The following RIMBP2 variants were observed in gnomAD, a reference collection of about 807,000 sequenced individuals.
RIMBP2 encodes the protein RIMS-binding protein 2.
RIMBP2 carries 48 observed loss-of-function variants against 118.6 expected under a neutral mutation model. The ratio of observed to expected loss-of-function variants is 0.40; its 90% CI spans 0.32 to 0.51. The LOEUF is 0.51. Among genes scored for constraint, RIMBP2 ranks in the 20% least tolerant of loss-of-function variants. The probability of loss-of-function intolerance (pLI) is 0.41; values close to 1 mark genes in which losing one functional copy is unlikely to be tolerated. For synonymous variants in RIMBP2, 762 were observed against 742.9 expected (o/e 1.03, Z -0.42); for missense variants, 1,551 against 1,768.3 (o/e 0.88, Z 2.20).
At chr12:130,566,710 C>T (rs1428467795) in intron 2 of RIMBP2, among the ~76,000 whole-genome samples, 1 of 152,224 alleles carries the variant, frequency 6.6e-6, no homozygotes, top group Non-Finnish European at 1.5e-5. Context: ...GAAGCTGAAG[C>T]CAGACCAGGC....
chr12:130,632,043 T>A (rs1387529683), intron 1 of RIMBP2, among the ~76,000 whole-genome samples: 1 of 152,230 alleles, frequency 6.6e-6, no homozygotes, highest in Non-Finnish European at 1.5e-5. Context: ...ATAAAAACAT[T>A]TTTAAAAATC....
intron 4 of RIMBP2, among the ~76,000 whole-genome samples, chr12:130,499,138 C>T (rs1438336488): frequency 1.4e-4 from 21 of 152,182 alleles, no homozygotes; most frequent in Non-Finnish European, 2.9e-4. Context: ...GGGCTACACA[C>T]TTTTAAACCA....
intron 17 of RIMBP2, among the ~76,000 whole-genome samples, chr12:130,417,681 T>G (rs1439335114): frequency 6.6e-6 from 1 of 152,234 alleles, no homozygotes; most frequent in Non-Finnish European, 1.5e-5. Context: ...CATTCTGCAC[T>G]ATACCCATGT....
At chr12:130,689,364 C>T (rs144525223) in intron 1 of RIMBP2, among the ~76,000 whole-genome samples, 3,148 of 152,198 alleles carry the variant, frequency 0.021, 49 homozygotes, top group Non-Finnish European at 0.032. Context: ...ACCCGGGAGG[C>T]GGAGGTTACA....
chr12:130,641,322 TCAC>T lies in RIMBP2; in HGVS notation c.-351-12869_-351-12867del, dbSNP rs1566416755. 6.1e-3 allele frequency among the ~76,000 whole-genome samples: 893 copies of T among 147,136 alleles called. 3 individuals are homozygous for T. The highest frequency in any genetic ancestry group is 0.017 in the East Asian group (86 of 4,968). ...TGACTGCCGGACACTCGGCCCGGCATCACGGGCTGGATTTAGGATGGTGACTGC... is the reference window on the plus strand; with the variant it reads ...TGACTGCCGGACACTCGGCCCGGCATGGGCTGGATTTAGGATGGTGACTGC... On this transcript the variant is annotated intron_variant, in intron 1 of 22. Transcript: ENST00000690449.
intron 2 of RIMBP2, among the ~76,000 whole-genome samples, chr12:130,574,927 C>T (rs908337438): frequency 4.6e-5 from 7 of 151,824 alleles, no homozygotes; most frequent in Non-Finnish European, 8.8e-5. Flanking sequence ...GACCTGAGTG[C>T]TGATGCCCTG....
chr12:130,454,392 G>A (rs76904577), intron 7 of RIMBP2, among the ~76,000 whole-genome samples: 5,767 of 152,328 alleles, frequency 0.038, 374 homozygotes, highest in African/African-American at 0.13. Flanking sequence ...AGGGGCCTGC[G>A]CTGTCTGCAG....
Position 130,617,047 on chromosome 12 carries a change from C to T in RIMBP2, c.-217+11275G>A, listed in dbSNP as rs1240545758. 3.3e-5 allele frequency among the ~76,000 whole-genome samples: 5 copies of T among 152,102 alleles called. No homozygotes were observed. The highest frequency in any genetic ancestry group is 7.4e-5 in the Non-Finnish European group (5 of 68,008). ...CCCCATGTCCCACTGATGAGAGGTT[C>T]CACCCCATCTCTCATTTTTCCAGGA... is the stretch of plus-strand genomic sequence containing the variant. On this transcript the variant is annotated intron_variant, in intron 2 of 22. Transcript: ENST00000690449. The surrounding 1 kb of genome is among the most constrained non-coding windows in gnomAD (Gnocchi z 4.6).
intron 15 of RIMBP2, chr12:130,427,196 A>C (rs957174796): frequency 2.0e-5 from 3 of 152,176 alleles, no homozygotes; most frequent in African/African-American, 7.2e-5. Flanking sequence ...TCCACCATTC[A>C]AAATGCACGC....
chr12:130,674,775 C>T (rs369254524), intron 1 of RIMBP2, among the ~76,000 whole-genome samples: 4 of 152,044 alleles, frequency 2.6e-5, no homozygotes, highest in Non-Finnish European at 5.9e-5. Context: ...CCATTCCCCA[C>T]CCCCGCCCCT....
chr12:130,553,912 A>C (rs1312641356), intron 2 of RIMBP2, among the ~76,000 whole-genome samples: 1 of 152,202 alleles, frequency 6.6e-6, no homozygotes, highest in African/African-American at 2.4e-5. Flanking sequence ...GCCTCAAAGA[A>C]TATAGAGAAG....
chr12:130,421,691 ATGTGTGTGTGTGTGTG>A lies in RIMBP2; in HGVS notation c.3238+746_3238+761del, dbSNP rs35161782. On this transcript the variant is annotated intron_variant, in intron 17 of 22. Coordinates refer to ENST00000690449, the MANE Select transcript of RIMBP2 (RefSeq NM_001393629.1). ...TATCAAGAGTTCTCCCTGCATTTAT[ATGTGTGTGTGTGTGTG>A]TGTGTGTGTGTGTGTGTTTTCATAG... is the stretch of plus-strand genomic sequence containing the variant. Among the ~76,000 whole-genome samples the A allele has an allele frequency of 5.4e-5, 8 of 147,294 alleles. No individual in the cohort carries two copies. In the East Asian group the frequency reaches 1.0e-3, roughly 19 times the overall value.
rs896554645 is a variant in RIMBP2, at chr12:130,650,040, C to A, written c.-351-21584G>T. On this transcript the variant is annotated intron_variant, in intron 1 of 22. Coordinates refer to ENST00000690449, the MANE Select transcript of RIMBP2 (RefSeq NM_001393629.1). ...TATTGTTGAAGCTGAAAAAAAAAAA[C>A]CAAACCTGAGGACCTGCTCCTCCAG... Among the ~76,000 whole-genome samples, 15 of 149,626 alleles carry A rather than the reference C, an allele frequency of 1.0e-4. No homozygotes were observed. The South Asian group carries it at 2.2e-3, about 22-fold the overall frequency.
In RIMBP2 at chr12:130,434,995, A is replaced by C; in HGVS notation, c.2107-115T>G. 35 of 1,067,880 alleles carry C rather than the reference A, an allele frequency of 3.3e-5. No individual in the cohort carries two copies. Among genetic ancestry groups the C allele is most frequent in the African/African-American group, 4.9e-5 (3 of 61,234 alleles). The allele number at this position is 1,067,880 out of a possible 1,614,324, so 66.2% of individuals were successfully genotyped here. A position where few individuals can be genotyped will look rare whatever the true frequency, so the allele number is the denominator to read the frequency against. Reference sequence around the variant, plus strand: ...CAGAGCCTGGCCAGGCACCCCCCACACAGTGCTTTGGGCCCAGCTCTGCCG... The same window carrying C: ...CAGAGCCTGGCCAGGCACCCCCCACCCAGTGCTTTGGGCCCAGCTCTGCCG... On this transcript the variant is annotated intron_variant, in intron 13 of 22. Coordinates refer to ENST00000690449, the MANE Select transcript of RIMBP2 (RefSeq NM_001393629.1). This position sits in a 1 kb window ranked among gnomAD's most constrained non-coding sequence, Gnocchi z 5.7.
chr12:130,598,295 A>G (rs2059669621), intron 2 of RIMBP2, among the ~76,000 whole-genome samples: 1 of 152,222 alleles, frequency 6.6e-6, no homozygotes, highest in African/African-American at 2.4e-5. Flanking sequence ...TGTTGTTAAG[A>G]GGTCATTTTT....
chr12:130,433,733 C>T (rs765693855), intron 14 of RIMBP2, among the ~76,000 whole-genome samples: 13 of 152,066 alleles, frequency 8.5e-5, no homozygotes, highest in Non-Finnish European at 1.0e-4. Context: ...TCTCATAGGA[C>T]GGTGTGATTA....
chr12:130,554,242 TCA>T (rs1255065716), intron 2 of RIMBP2, among the ~76,000 whole-genome samples: 1 of 152,186 alleles, frequency 6.6e-6, no homozygotes, highest in Non-Finnish European at 1.5e-5. Flanking sequence ...TCTCTGAGCT[TCA>T]GTTTCCTCAA....
At chr12:130,668,409 G>A (rs1314353828) in intron 1 of RIMBP2, 1 of 152,258 alleles carries the variant, frequency 6.6e-6, no homozygotes, top group Non-Finnish European at 1.5e-5. Flanking sequence ...CAGAACGTCT[G>A]CAGAGTGCAC....
chr12:130,579,806 G>A (rs1166568311), intron 2 of RIMBP2, among the ~76,000 whole-genome samples: 1 of 151,894 alleles, frequency 6.6e-6, no homozygotes, highest in Non-Finnish European at 1.5e-5. Flanking sequence ...ATGGTGAAGG[G>A]TCCAACAGTT....
Sources: allele counts gnomAD v4.1 joint callset (sites outside exome capture counted in the v4.1 genomes callset), GRCh38; gene constraint gnomAD v4.1.1; non-coding constraint Gnocchi (gnomAD v3.1); transcripts MANE v1.5; gene names NCBI Gene and HGNC (gene_info 2026-07-23, HGNC 2026-07-21).